PYGB: variants seen among roughly 807,000 people sequenced by gnomAD.
PYGB encodes glycogen phosphorylase, brain form.
In PYGB, 82 loss-of-function variants were observed where a neutral mutation model predicts 94.3. That is an observed-to-expected ratio of 0.87 (90% CI 0.73 to 1.04). PYGB has a LOEUF of 1.04. Ranked by LOEUF, PYGB falls within the 50% of genes least tolerant of loss-of-function variation. The pLI is 0.00. For synonymous variants in PYGB, 488 were observed against 479.1 expected (o/e 1.02, Z -0.24); for missense variants, 1,132 against 1,158.2 (o/e 0.98, Z 0.33).
chr20:25,259,414 G>C, intron 2 of PYGB, 76 bp downstream of exon 2: 1 of 1,195,002 alleles, frequency 8.4e-7, no homozygotes, highest in Non-Finnish European at 1.2e-6. Context: ...TCCCACAGAG[G>C]TGAGCCCTGA....
intron 1 of PYGB, among the ~76,000 whole-genome samples, chr20:25,254,062 ACT>A (rs1239123223): frequency 3.5e-5 from 4 of 114,082 alleles, no homozygotes; most frequent in African/African-American, 7.9e-5. Context: ...ACGGAGCGAG[ACT>A]CTGTCTCAAA....
Position 25,296,750 on chromosome 20 carries a change from AAGGGTCGTGGCCAG to A in PYGB, c.*229_*242del. On this transcript the variant is annotated 3_prime_UTR_variant, in exon 20 of 20. Transcript: ENST00000216962. ...AAAGGAAGCCAGAGTTGACAGTACA[AAGGGTCGTGGCCAG>A]CCCTGCAGCTTCAGCACCTGCCCCA... 1.7e-6 allele frequency: 1 copy of A among 589,702 alleles called. No individual in the cohort carries two copies. Among genetic ancestry groups the A allele is most frequent in the Non-Finnish European group, 2.9e-6 (1 of 350,804 alleles). 36.5% of individuals were successfully genotyped at this position (589,702 alleles called of 1,614,324 possible).
chr20:25,292,775 C>G (rs1307196064), intron 17 of PYGB, among the ~76,000 whole-genome samples, 162 bp downstream of exon 17: 1 of 152,194 alleles, frequency 6.6e-6, no homozygotes, highest in East Asian at 1.9e-4. Flanking sequence ...TGACCATTTC[C>G]AGGTGCATGG....
chr20:25,284,359 G>A (rs912654476), intron 14 of PYGB, 108 bp downstream of exon 14: 2 of 1,401,056 alleles, frequency 1.4e-6, no homozygotes, highest in Non-Finnish European at 1.9e-6. Flanking sequence ...GGCTGTGTGT[G>A]TATAGGCGTG....
In PYGB at chr20:25,282,136, A is replaced by G. The variant is rs199559458; in HGVS notation, c.1507A>G (p.Thr503Ala). The G allele has an allele frequency of 9.3e-6, 15 of 1,611,888 alleles. 1 individual carries two copies. The South Asian group carries it at 1.6e-4, about 18-fold the overall frequency. Residue 503 changes from threonine to alanine, a missense_variant, in exon 12 of 20, where the codon ACC becomes GCC. Transcript: ENST00000216962. ...GCTGTGCAACCCGGGGCTGGCCGATACCATCGTGGAGGTGAGTCCCGGGCC... is the reference window on the plus strand; with the variant it reads ...GCTGTGCAACCCGGGGCTGGCCGATGCCATCGTGGAGGTGAGTCCCGGGCC... ...LLLCNPGLADTIVEKIGEEFL... is the reference protein window; with the variant it reads ...LLLCNPGLADAIVEKIGEEFL...
intron 15 of PYGB, chr20:25,290,065 AGTCT>A (rs1168030969): frequency 7.0e-6 from 3 of 428,958 alleles, no homozygotes; most frequent in African/African-American, 6.1e-5. Context: ...TTTTCCCCAC[AGTCT>A]GTCTGTTACA....
intron 15 of PYGB, 75 bp from the exon 16 acceptor site, chr20:25,290,406 C>T (rs2088455742): frequency 1.9e-6 from 3 of 1,553,464 alleles, no homozygotes; most frequent in Admixed American, 3.4e-5. Context: ...CCCTACAGAC[C>T]CCAGGAACCA....
At chr20:25,291,635 C>T (rs556567210) in intron 16 of PYGB, among the ~76,000 whole-genome samples, 1 of 152,264 alleles carries the variant, frequency 6.6e-6, no homozygotes, top group East Asian at 1.9e-4. Flanking sequence ...CTTCCCTGCT[C>T]CTCTGACCGA....
intron 19 of PYGB, among the ~76,000 whole-genome samples, chr20:25,295,960 G>A (rs1600749051): frequency 6.6e-6 from 1 of 152,306 alleles, no homozygotes; most frequent in Admixed American, 6.5e-5. Flanking sequence ...CCTCAGTCAG[G>A]GCTGGCCTCG....
chr20:25,258,102 AAG>A (rs1282504083), intron 1 of PYGB, among the ~76,000 whole-genome samples: 5 of 152,224 alleles, frequency 3.3e-5, no homozygotes, highest in African/African-American at 1.2e-4. Flanking sequence ...ATGATCAAAA[AAG>A]TAAAAACAGG....
intron 2 of PYGB, among the ~76,000 whole-genome samples, chr20:25,266,944 T>G (rs1272483064): frequency 1.3e-5 from 2 of 152,218 alleles, no homozygotes; most frequent in Non-Finnish European, 2.9e-5. Flanking sequence ...CTAAAAAAGT[T>G]AAGCATAGAA....
chr20:25,287,257 A>G (rs1077889), intron 14 of PYGB, among the ~76,000 whole-genome samples: 68,751 of 152,160 alleles, frequency 0.45, 16,154 homozygotes, highest in East Asian at 0.92. Flanking sequence ...GGGGAGACAC[A>G]AGGTCTCACC....
intron 9 of PYGB, 67 bp downstream of exon 9, chr20:25,279,216 G>T: frequency 6.6e-7 from 1 of 1,506,954 alleles, no homozygotes; most frequent in South Asian, 1.2e-5. Flanking sequence ...GGGCTACAAG[G>T]AGCTGAGCTG....
intron 1 of PYGB, among the ~76,000 whole-genome samples, chr20:25,252,117 G>A (rs117347519): frequency 1.4e-4 from 22 of 152,368 alleles, no homozygotes; most frequent in Non-Finnish European, 2.6e-4. Flanking sequence ...AGGCTTCCCT[G>A]ACAGCAGATC....
intron 12 of PYGB, among the ~76,000 whole-genome samples, 153 bp downstream of exon 12, chr20:25,282,300 G>A (rs2088375542): frequency 6.6e-6 from 1 of 152,246 alleles, no homozygotes; most frequent in Non-Finnish European, 1.5e-5. Context: ...CTGAGCCCCT[G>A]AACATGGGCG....
rs574197424 is a variant in PYGB, at chr20:25,269,757, C to A, written c.424+550C>A. ...GGGAAGCTCCAGCCTCTTTTGTCCC[C>A]ATCTCCTGACAGCCCCAGGGGTGGC... On this transcript the variant is annotated intron_variant, in intron 3 of 19. Coordinates refer to ENST00000216962, the MANE Select transcript of PYGB (RefSeq NM_002862.4). Among the ~76,000 whole-genome samples, 354 of 152,300 alleles carry A rather than the reference C, an allele frequency of 2.3e-3. 1 individual carries two copies. Among genetic ancestry groups the A allele is most frequent in the African/African-American group, 5.1e-3 (214 of 41,564 alleles).
At chr20:25,284,329 T>A in intron 14 of PYGB, 78 bp downstream of exon 14, 1 of 1,537,214 alleles carries the variant, frequency 6.5e-7, no homozygotes, top group Non-Finnish European at 8.8e-7. Context: ...GCACAGACCC[T>A]GGGCCTCTGT....
chr20:25,276,647 T>C lies in PYGB; in HGVS notation c.662T>C (p.Val221Ala), dbSNP rs1044877109. The change falls in exon 6 of 20, where the codon GTG (valine) becomes GCG (alanine). Residue 221 changes from valine (V) to alanine (A), a missense_variant and splice_region_variant. Physicochemically the swap from Val to Ala is moderately conservative, Grantham distance 64. Transcript: ENST00000216962. ...PDGVKWLDTQ[V>A]VLAMPYDTPV... is the part of the protein sequence containing the mutation. ...CTGAGCAACCCGTTTTGTGGCCAGG[T>C]GGTGCTGGCCATGCCCTACGACACC... The C allele has an allele frequency of 6.2e-7, 1 of 1,612,100 alleles. No individual in the cohort carries two copies. Among genetic ancestry groups the C allele is most frequent in the African/African-American group, 1.3e-5 (1 of 74,810 alleles).
At chr20:25,287,225 C>A (rs1002416981) in intron 14 of PYGB, among the ~76,000 whole-genome samples, 1 of 152,268 alleles carries the variant, frequency 6.6e-6, no homozygotes, top group Non-Finnish European at 1.5e-5. Flanking sequence ...GGGGCCCTCA[C>A]CCGCTGTCCC....
Sources: allele counts gnomAD v4.1 joint callset (sites outside exome capture counted in the v4.1 genomes callset), GRCh38; gene constraint gnomAD v4.1.1; transcripts MANE v1.5; gene names NCBI Gene and HGNC (gene_info 2026-07-23, HGNC 2026-07-21).